Variants in PTPRJ observed in about 807,000 individuals in gnomAD.
PTPRJ encodes protein tyrosine phosphatase receptor type J.
Under a neutral mutation model 141.3 loss-of-function variants are expected in PTPRJ, and 129 were observed. That is an observed-to-expected ratio of 0.91 (90% confidence interval 0.79 to 1.06). The LOEUF (loss-of-function observed/expected upper bound fraction) is 1.06. Ranked by LOEUF, PTPRJ falls within the 50% of genes least tolerant of loss-of-function variation. The pLI is 0.00. For synonymous variants in PTPRJ, 610 were observed against 640.5 expected, an observed-to-expected ratio of 0.95 and a Z score of 0.72; for missense variants, 1,601 against 1,679.7, an observed-to-expected ratio of 0.95 and a Z score of 0.82.
chr11:48,088,493 C>T (rs1310252545), intron 1 of PTPRJ, among the ~76,000 whole-genome samples: 5 of 152,170 alleles, frequency 3.3e-5, no homozygotes, highest in Admixed American at 1.3e-4. Context: ...AAGAAGGAAG[C>T]GTGGTAACTT....
chr11:48,101,849 T>C (rs565693249), intron 1 of PTPRJ, among the ~76,000 whole-genome samples: 3 of 152,278 alleles, frequency 2.0e-5, no homozygotes, highest in South Asian at 4.2e-4. Context: ...AACTGAAGAA[T>C]TGAAACTCTC....
intron 1 of PTPRJ, among the ~76,000 whole-genome samples, chr11:48,099,783 T>C (rs1328313965): frequency 6.6e-6 from 1 of 152,206 alleles, no homozygotes; most frequent in Non-Finnish European, 1.5e-5. Context: ...CTGGATGGGT[T>C]TGCCTTGAAT....
At position 48,123,636 on chromosome 11, in the gene PTPRJ, C is replaced by T. The variant is rs121434507; in HGVS notation, c.640C>T (p.Arg214Cys). 3.6e-5 allele frequency: 58 copies of T among 1,613,524 alleles called. No individual in the cohort carries two copies. The highest frequency in any genetic ancestry group is 5.5e-5 in the South Asian group (5 of 91,030). ...ITEPIPVSDL[R>C]VALTGVRKAA... ...AGAGCCGATCCCAGTTTCTGATCTC[C>T]GTGTTGCCCTCACGGGTGTGAGGAA... is the stretch of plus-strand genomic sequence containing the variant. The change falls in exon 5 of 25, where the codon CGT (arginine) becomes TGT (cysteine). Residue 214 changes from arginine to cysteine, a missense_variant. Physicochemically the swap from Arg to Cys is radical, Grantham distance 180 (BLOSUM62 -3). Coordinates refer to ENST00000418331, the MANE Select transcript of PTPRJ (RefSeq NM_002843.4).
intron 1 of PTPRJ, among the ~76,000 whole-genome samples, chr11:48,048,028 C>G (rs1480125942): frequency 6.6e-6 from 1 of 152,134 alleles, no homozygotes; most frequent in Admixed American, 6.5e-5. Context: ...TTTGAGGCCC[C>G]TGAACATGCA....
At chr11:48,130,138 G>C (rs1246722016) in intron 7 of PTPRJ, among the ~76,000 whole-genome samples, 1 of 150,772 alleles carries the variant, frequency 6.6e-6, no homozygotes, top group African/African-American at 2.4e-5. Flanking sequence ...ATGCATTCGA[G>C]ATAAAGCAGC....
chr11:47,980,870 GC>G lies in PTPRJ; in HGVS notation c.-40del. 6.4e-6 allele frequency: 7 copies of G among 1,099,086 alleles called. No individual in the cohort carries two copies. The highest frequency in any genetic ancestry group is 7.7e-6 in the Non-Finnish European group (7 of 904,852). 68.1% of individuals were successfully genotyped at this position (1,099,086 alleles called of 1,614,324 possible). ...TGCCCGGGCTCGGGCGCACGGCGGGGCCCGATTCGCGCGTCCGGGGCACGTT... is the reference window on the plus strand; with the variant it reads ...TGCCCGGGCTCGGGCGCACGGCGGGGCCGATTCGCGCGTCCGGGGCACGTT... On this transcript the variant is annotated 5_prime_UTR_variant, in exon 1 of 25. Coordinates refer to ENST00000418331, the MANE Select transcript of PTPRJ (RefSeq NM_002843.4).
intron 1 of PTPRJ, among the ~76,000 whole-genome samples, chr11:48,100,950 A>C (rs78938870): frequency 0.021 from 3,130 of 151,108 alleles, 108 homozygotes; most frequent in African/African-American, 0.072. Context: ...TTCAGTACTG[A>C]TCAGCATTTT....
At chr11:48,109,055 T>G (rs1856370568) in intron 1 of PTPRJ, among the ~76,000 whole-genome samples, 1 of 152,100 alleles carries the variant, frequency 6.6e-6, no homozygotes, top group Non-Finnish European at 1.5e-5. Context: ...AGGTGGCGTT[T>G]TGGGCAGGCC....
chr11:47,999,874 T>TTTTTTTTTTTTA (rs1854445553), intron 1 of PTPRJ, among the ~76,000 whole-genome samples: 6 of 151,026 alleles, frequency 4.0e-5, no homozygotes, highest in East Asian at 1.9e-4. Flanking sequence ...TTTTTTTTTT[T>TTTTTTTTTTTTA]GAGTCAGAGT....
chr11:48,113,080 C>A, intron 3 of PTPRJ, 97 bp downstream of exon 3: 1 of 1,040,698 alleles, frequency 9.6e-7, no homozygotes, highest in East Asian at 2.6e-5. Flanking sequence ...TTTTAATTAC[C>A]TAAGAAAATC....
intron 1 of PTPRJ, among the ~76,000 whole-genome samples, chr11:48,071,506 C>T (rs1369607673): frequency 4.6e-5 from 7 of 150,830 alleles, no homozygotes; most frequent in Admixed American, 6.6e-5. Flanking sequence ...TTAGTAGAGA[C>T]GGGGTTTCAC....
intron 1 of PTPRJ, among the ~76,000 whole-genome samples, chr11:48,098,517 CTTTTTTTTTTT>C (rs762125208): frequency 2.8e-5 from 1 of 36,340 alleles, no homozygotes; most frequent in African/African-American, 5.8e-5. Context: ...CATTTTATCT[CTTTTTTTTTTT>C]TTTTTTTTTT....
At chr11:48,131,031 TACAC>T (rs368230622) in intron 8 of PTPRJ, among the ~76,000 whole-genome samples, 6 of 69,094 alleles carry the variant, frequency 8.7e-5, no homozygotes, top group African/African-American at 1.4e-4. Context: ...TAATATTTAA[TACAC>T]ACACACACAC....
At chr11:47,997,488 G>C (rs1854371469) in intron 1 of PTPRJ, among the ~76,000 whole-genome samples, 1 of 152,200 alleles carries the variant, frequency 6.6e-6, no homozygotes, top group African/African-American at 2.4e-5. Context: ...CTCATTCACT[G>C]AGTCCTTTTT....
At chr11:48,163,749 C>T in intron 23 of PTPRJ, 131 bp downstream of exon 23, 1 of 1,128,546 alleles carries the variant, frequency 8.9e-7, no homozygotes, top group African/African-American at 1.6e-5. Flanking sequence ...GGATAAGGAA[C>T]CATGGACTTA....
At chr11:48,153,492 C>CAAAAAA (rs59516853) in intron 18 of PTPRJ, among the ~76,000 whole-genome samples, 8 of 68,438 alleles carry the variant, frequency 1.2e-4, no homozygotes, top group Admixed American at 2.0e-4. Context: ...GACTCTGTCT[C>CAAAAAA]AAAAAAAAAA....
intron 1 of PTPRJ, among the ~76,000 whole-genome samples, chr11:48,006,369 G>A (rs1854623665): frequency 6.6e-6 from 1 of 152,110 alleles, no homozygotes; most frequent in African/African-American, 2.4e-5. Context: ...AACCTGCAGA[G>A]CTCATAATCT....
At chr11:48,021,481 G>C (rs759697359) in intron 1 of PTPRJ, among the ~76,000 whole-genome samples, 3 of 152,052 alleles carry the variant, frequency 2.0e-5, no homozygotes, top group Non-Finnish European at 4.4e-5. Flanking sequence ...ATTTCTAATA[G>C]ATGTTATGGA....
chr11:48,147,969 T>C (rs1265917323), intron 15 of PTPRJ, among the ~76,000 whole-genome samples: 4 of 151,916 alleles, frequency 2.6e-5, no homozygotes, highest in Non-Finnish European at 5.9e-5. Context: ...CCTCAGCCTC[T>C]TGAGTAGCTG....
Sources: gnomAD v4.1 joint callset for allele counts (sites outside exome capture counted in the v4.1 genomes callset) on GRCh38, gnomAD v4.1.1 for gene constraint, MANE v1.5 for transcripts, NCBI Gene and HGNC (gene_info 2026-07-23, HGNC 2026-07-21) for gene names.